TMEM63C: variants seen among roughly 807,000 people sequenced by gnomAD.
TMEM63C encodes osmosensitive cation channel TMEM63C.
In TMEM63C, 32 loss-of-function variants were observed where a neutral mutation model predicts 99.2. The observed-to-expected ratio is 0.32, with a 90% CI of 0.24 to 0.43. The LOEUF is 0.43. TMEM63C is among the 20% of genes least tolerant of loss of function. The pLI is 1.00. For missense variants in TMEM63C, 826 were observed against 1,053.0 expected, an observed-to-expected ratio of 0.78 and a Z score of 2.98; for synonymous variants, 376 against 397.9, an observed-to-expected ratio of 0.94 and a Z score of 0.66.
intron 1 of TMEM63C, chr14:77,201,111 G>A (rs1439258531): frequency 6.6e-6 from 1 of 151,286 alleles, no homozygotes; most frequent in Admixed American, 6.6e-5. Context: ...CACAGCAAAA[G>A]AGAAGCTATC....
At position 77,219,490 on chromosome 14, in the gene TMEM63C, GC is replaced by G. The variant is rs760235254; in HGVS notation, c.151-6del. ...CTCCCACCCCACATTGCTTTTCCTG[GC>G]CTGTAGCTCGTCCTTGTGGTTTACT... On this transcript the variant is annotated splice_polypyrimidine_tract_variant and splice_region_variant and intron_variant, in intron 3 of 23. Coordinates refer to ENST00000298351, the MANE Select transcript of TMEM63C (RefSeq NM_020431.4). The G allele has an allele frequency of 1.5e-5, 24 of 1,613,734 alleles. No homozygotes were observed. The East Asian group carries it at 5.1e-4, about 34-fold the overall frequency.
In TMEM63C at chr14:77,183,034, C is replaced by G. The variant is rs191451484; in HGVS notation, c.-77+1140C>G. On this transcript the variant is annotated intron_variant, in intron 1 of 23. Coordinates refer to ENST00000298351, the MANE Select transcript of TMEM63C (RefSeq NM_020431.4). ...CTGGGAGAAATGGGCTACATTCCGT[C>G]TATTGCCCTTAGAAGTGAACTTTCC... 4.5e-4 allele frequency among the ~76,000 whole-genome samples: 69 copies of G among 152,314 alleles called. No homozygotes were observed. The East Asian group carries it at 8.9e-3, about 20-fold the overall frequency.
chr14:77,195,755 C>T (rs765101818), intron 1 of TMEM63C, among the ~76,000 whole-genome samples: 47 of 152,216 alleles, frequency 3.1e-4, no homozygotes, highest in Non-Finnish European at 1.2e-4. Context: ...CAGTGCCGTG[C>T]TGTCTCCATG....
rs1175286787 is a variant in TMEM63C, at chr14:77,258,629, A to ATAGC, written c.*1904_*1907dup. ...CAAGGGGAAAGTACGCTGTTACAGC[A>ATAGC]TAGCGGTCAGGCCCAGCAGGAGCTT... On this transcript the variant is annotated 3_prime_UTR_variant, in exon 24 of 24. Transcript: ENST00000298351. 1 of 152,396 alleles carries ATAGC rather than the reference A, an allele frequency of 6.6e-6. No individual in the cohort carries two copies. Among genetic ancestry groups the ATAGC allele is most frequent in the Non-Finnish European group, 1.5e-5 (1 of 68,178 alleles). The allele number at this position is 152,396 out of a possible 1,614,324, so 9.4% of individuals were successfully genotyped here. A position where few individuals can be genotyped will look rare whatever the true frequency, so the allele number is the denominator to read the frequency against.
At chr14:77,185,916 G>T (rs755541821) in intron 1 of TMEM63C, among the ~76,000 whole-genome samples, 1 of 152,028 alleles carries the variant, frequency 6.6e-6, no homozygotes, top group Non-Finnish European at 1.5e-5. Context: ...CTTGGGGCCT[G>T]GTGACCAGGA....
chr14:77,233,062 A>G (rs1888972372), intron 7 of TMEM63C, among the ~76,000 whole-genome samples: 1 of 152,222 alleles, frequency 6.6e-6, no homozygotes, highest in Non-Finnish European at 1.5e-5. Context: ...CATAGCCAGA[A>G]GGATTTCCTC....
At chr14:77,204,338 T>C (rs1193888388) in intron 1 of TMEM63C, among the ~76,000 whole-genome samples, 2 of 151,702 alleles carry the variant, frequency 1.3e-5, no homozygotes, top group African/African-American at 4.8e-5. Flanking sequence ...GAGACAGAGG[T>C]GGGCAAGGGC....
intron 1 of TMEM63C, among the ~76,000 whole-genome samples, chr14:77,194,336 ATGTGTGTGTGTGTGTG>A (rs36201483): frequency 1.6e-4 from 14 of 87,614 alleles, no homozygotes; most frequent in Admixed American, 4.6e-4. Context: ...ATATATATAT[ATGTGTGTGTGTGTGTG>A]TGTGTGTGTG....
chr14:77,215,614 A>AAAAAAGAAAAAAAAAGAAAAGAAAAG (rs772701077), intron 2 of TMEM63C, among the ~76,000 whole-genome samples: 1 of 76,528 alleles, frequency 1.3e-5, no homozygotes, highest in Non-Finnish European at 2.4e-5. Context: ...AAAAAAAAAA[A>AAAAAAGAAAAAAAAAGAAAAGAAAAG]AAAAGAAAAG....
chr14:77,229,132 G>A (rs1213653704), intron 6 of TMEM63C, among the ~76,000 whole-genome samples: 1 of 152,122 alleles, frequency 6.6e-6, no homozygotes, highest in African/African-American at 2.4e-5. Context: ...GGTTGGGCAT[G>A]GTGGCTCACA....
At chr14:77,217,789 C>T (rs1053651640) in intron 2 of TMEM63C, among the ~76,000 whole-genome samples, 1 of 152,184 alleles carries the variant, frequency 6.6e-6, no homozygotes, top group East Asian at 1.9e-4. Context: ...TCCTGGTCTC[C>T]CTAGTTCAAA....
At chr14:77,220,621 G>C (rs1212682877) in intron 5 of TMEM63C, among the ~76,000 whole-genome samples, 1 of 152,168 alleles carries the variant, frequency 6.6e-6, no homozygotes, top group East Asian at 1.9e-4. Flanking sequence ...TGGTCTGGGA[G>C]CTGGGGACCA....
rs561991365 is a variant in TMEM63C, at chr14:77,240,661, G to T, written c.1064+53G>T. 67 of 1,585,270 alleles carry T rather than the reference G, an allele frequency of 4.2e-5. 1 individual carries two copies. The South Asian group carries it at 6.8e-4, about 16-fold the overall frequency. On this transcript the variant is annotated intron_variant, in intron 13 of 23. Transcript: ENST00000298351. ...GCCCCAAGCATACTCCTGCTTCTCG[G>T]CACTCTCCTCCCTCTCCACCTCCAG...
chr14:77,205,657 C>A (rs1309086479), intron 1 of TMEM63C, among the ~76,000 whole-genome samples: 1 of 152,164 alleles, frequency 6.6e-6, no homozygotes, highest in East Asian at 1.9e-4. Context: ...CAGAGACAAC[C>A]AAGGCCTTTG....
intron 1 of TMEM63C, among the ~76,000 whole-genome samples, chr14:77,209,944 AGCTGG>A: frequency 6.6e-6 from 1 of 152,140 alleles, no homozygotes; most frequent in East Asian, 1.9e-4. Flanking sequence ...ATTCGGGACC[AGCTGG>A]GGGTGGGGGC....
At chr14:77,202,831 A>G (rs1888321998) in intron 1 of TMEM63C, among the ~76,000 whole-genome samples, 8 of 19,432 alleles carry the variant, frequency 4.1e-4, no homozygotes, top group South Asian at 2.1e-3. Flanking sequence ...AGGCGCACAC[A>G]CACACACACA....
Position 77,257,125 on chromosome 14 carries a change from TCC to T in TMEM63C, c.*400_*401del. The T allele has an allele frequency of 1.1e-5, 2 of 179,068 alleles. No homozygotes were observed. The highest frequency in any genetic ancestry group is 2.4e-5 in the Non-Finnish European group (2 of 85,054). 11.1% of individuals were successfully genotyped at this position (179,068 alleles called of 1,614,324 possible). Reference sequence around the variant, plus strand: ...ATCACCACTCTGCATCAGCTGCCCTTCCAAGGAGCTTCTGCTGCTGCTCCTCC... The same window carrying T: ...ATCACCACTCTGCATCAGCTGCCCTTAAGGAGCTTCTGCTGCTGCTCCTCC... On this transcript the variant is annotated 3_prime_UTR_variant, in exon 24 of 24. Coordinates refer to ENST00000298351, the MANE Select transcript of TMEM63C (RefSeq NM_020431.4).
chr14:77,225,345 C>G, intron 5 of TMEM63C, 79 bp from the exon 6 acceptor site: 1 of 1,452,380 alleles, frequency 6.9e-7, no homozygotes, highest in South Asian at 1.3e-5. Flanking sequence ...CTCAGATGAC[C>G]TGGCCGCCTG....
Position 77,238,714 on chromosome 14 carries a change from C to T in TMEM63C, c.672C>T (p.Ile224=), listed in dbSNP as rs1176316094. Residue 224 remains isoleucine, a synonymous_variant, in exon 10 of 24, where the codon ATC becomes ATT. Transcript: ENST00000298351. The part of the protein sequence containing the change: ...NSQKVTRTLM[I]TYVPKDIEDP... Reference sequence around the variant, plus strand: ...CCCAGGTCACAAGGACACTAATGATCACCTATGTGCCCAAGGACATTGAAG... The same window carrying T: ...CCCAGGTCACAAGGACACTAATGATTACCTATGTGCCCAAGGACATTGAAG... 5 of 1,613,736 alleles carry T rather than the reference C, an allele frequency of 3.1e-6. No homozygotes were observed. In the East Asian group the frequency reaches 1.1e-4, roughly 36 times the overall value.
Sources: allele counts gnomAD v4.1 joint callset (sites outside exome capture counted in the v4.1 genomes callset), GRCh38; gene constraint gnomAD v4.1.1; transcripts MANE v1.5; gene names NCBI Gene and HGNC (gene_info 2026-07-23, HGNC 2026-07-21).